The following GCKR variants were observed in gnomAD, a reference collection of about 807,000 sequenced individuals.
The protein encoded by GCKR is glucokinase regulatory protein.
Under a neutral mutation model 82.9 loss-of-function variants are expected in GCKR, and 73 were observed. The ratio of observed to expected loss-of-function variants is 0.88; its 90% CI spans 0.73 to 1.07. The LOEUF (loss-of-function observed/expected upper bound fraction) is 1.07, where lower values mean the gene tolerates loss of function less well. Ranked by LOEUF, GCKR falls within the 50% of genes least tolerant of loss-of-function variation. The probability of loss-of-function intolerance (pLI) is 0.00; values close to 1 mark genes in which losing one functional copy is unlikely to be tolerated. For missense variants in GCKR, 784 were observed against 782.1 expected (o/e 1.00, Z -0.03); for synonymous variants, 294 against 291.8 (o/e 1.01, Z -0.08).
intron 16 of GCKR, among the ~76,000 whole-genome samples, chr2:27,514,314 A>G (rs8179225): frequency 0.4 from 60,017 of 151,842 alleles, 12,225 homozygotes; most frequent in South Asian, 0.45. Flanking sequence ...CTGTATATAT[A>G]TTCCCACTCT....
chr2:27,522,938 C>T (rs1670186148), intron 18 of GCKR, among the ~76,000 whole-genome samples: 1 of 150,282 alleles, frequency 6.7e-6, no homozygotes, highest in African/African-American at 2.5e-5. Flanking sequence ...CTCTGTCACC[C>T]AGGCTGCTGG....
intron 16 of GCKR, among the ~76,000 whole-genome samples, chr2:27,516,606 T>C (rs1224597967): frequency 1.3e-5 from 2 of 152,206 alleles, no homozygotes; most frequent in East Asian, 3.8e-4. Context: ...ATTCTTCTTT[T>C]TAAGGATTTT....
chr2:27,516,283 G>GTTTTTTT (rs35189790), intron 16 of GCKR, among the ~76,000 whole-genome samples: 105 of 58,546 alleles, frequency 1.8e-3, no homozygotes, highest in African/African-American at 2.1e-3. Flanking sequence ...CTTCATTCTT[G>GTTTTTTT]TTTTTTTTTT....
At chr2:27,520,570 C>T (rs976019049) in intron 17 of GCKR, among the ~76,000 whole-genome samples, 17 of 152,322 alleles carry the variant, frequency 1.1e-4, no homozygotes, top group African/African-American at 3.1e-4. Flanking sequence ...AAAACATTGG[C>T]CACCAGCCAC....
intron 9 of GCKR, 145 bp downstream of exon 9, chr2:27,503,764 A>G: frequency 3.0e-6 from 2 of 667,852 alleles, no homozygotes; most frequent in Non-Finnish European, 2.7e-6. Context: ...GTTATAAACC[A>G]AATCCTATTT....
At chr2:27,503,657 A>G in intron 9 of GCKR, 38 bp downstream of exon 9, 1 of 1,011,196 alleles carries the variant, frequency 9.9e-7, no homozygotes. Context: ...CCACCCCTCC[A>G]ACACCTGGGA....
chr2:27,520,379 T>C (rs1428721844), intron 17 of GCKR, among the ~76,000 whole-genome samples: 2 of 152,158 alleles, frequency 1.3e-5, no homozygotes, highest in Non-Finnish European at 2.9e-5. Context: ...TGTTAGGTCA[T>C]TCACCAAGTC....
rs1669759075 is a variant in GCKR, at chr2:27,506,817, T to C, written c.998T>C (p.Val333Ala). The C allele has an allele frequency of 6.2e-7, 1 of 1,613,494 alleles. No individual in the cohort carries two copies. Among genetic ancestry groups the C allele is most frequent in the South Asian group, 1.1e-5 (1 of 91,066 alleles). Residue 333 changes from valine (V) to alanine (A), a missense_variant, in exon 12 of 19, where the codon GTT (valine) becomes GCT (alanine). Physicochemically the swap from Val to Ala is moderately conservative, Grantham distance 64. Coordinates refer to ENST00000264717, the MANE Select transcript of GCKR (RefSeq NM_001486.4). ...GAGAAGAAAGGCCACGTGTACCTGGTTGGCTGGCAGACCCTGGGCATCATT... is the reference window on the plus strand; with the variant it reads ...GAGAAGAAAGGCCACGTGTACCTGGCTGGCTGGCAGACCCTGGGCATCATT... ...SLEKKGHVYL[V>A]GWQTLGIIAI... is the part of the protein sequence containing the mutation.
In GCKR at chr2:27,522,580, C is replaced by A. The variant is rs1272803482; in HGVS notation, c.1693C>A (p.His565Asn). The change falls in exon 18 of 19, where the codon CAT becomes AAT. Residue 565 changes from histidine to asparagine, a missense_variant. Transcript: ENST00000264717. ...CATCTCCTGCCATGTCCAGGTTGCA[C>A]ATGAGAAGGAACAGGTATCCTGCCC... Reference protein sequence around the residue: ...APISCHVQVAHEKEQVIPIAL... With the variant: ...APISCHVQVANEKEQVIPIAL... 3 of 1,613,806 alleles carry A rather than the reference C, an allele frequency of 1.9e-6. No individual in the cohort carries two copies. Among genetic ancestry groups the A allele is most frequent in the Middle Eastern group, 1.7e-4 (1 of 6,060 alleles).
chr2:27,509,643 A>C, intron 16 of GCKR: 8 of 244,282 alleles, frequency 3.3e-5, no homozygotes, highest in South Asian at 2.7e-4. Flanking sequence ...CGCCTAGCCA[A>C]AACACTGTAT....
At chr2:27,515,070 C>G (rs1669971705) in intron 16 of GCKR, among the ~76,000 whole-genome samples, 1 of 150,522 alleles carries the variant, frequency 6.6e-6, no homozygotes, top group Non-Finnish European at 1.5e-5. Context: ...CTCTGCCTCC[C>G]AGGTTCAAGC....
intron 17 of GCKR, among the ~76,000 whole-genome samples, chr2:27,520,661 A>G (rs1013467490): frequency 1.3e-5 from 2 of 152,240 alleles, no homozygotes; most frequent in Non-Finnish European, 2.9e-5. Context: ...CCAAAGCTGT[A>G]TACTTTTTAA....
intron 1 of GCKR, 140 bp downstream of exon 1, chr2:27,497,104 C>A: frequency 8.1e-7 from 1 of 1,231,200 alleles, no homozygotes; most frequent in Non-Finnish European, 1.2e-6. Flanking sequence ...GCACCAAGTG[C>A]AGGCTGAGTT....
rs567763600 is a variant in GCKR, at chr2:27,507,447, A to T, written c.1143+136A>T. The T allele has an allele frequency of 1.5e-4, 113 of 762,590 alleles. 1 individual carries two copies. The South Asian group carries it at 1.5e-3, about 10-fold the overall frequency. The allele number at this position is 762,590 out of a possible 1,614,324, so 47.2% of individuals were successfully genotyped here. A position where few individuals can be genotyped will look rare whatever the true frequency, so the allele number is the denominator to read the frequency against. On this transcript the variant is annotated intron_variant, in intron 13 of 18. Coordinates refer to ENST00000264717, the MANE Select transcript of GCKR (RefSeq NM_001486.4). ...GAGAAGAGAATATGGGTCAGAAGTC[A>T]TGAGGCTTTGGCTTAGCATGGGCAG...
chr2:27,505,484 A>G (rs1204158309), intron 9 of GCKR, among the ~76,000 whole-genome samples: 8 of 151,952 alleles, frequency 5.3e-5, no homozygotes, highest in Non-Finnish European at 4.4e-5. Context: ...CTGACAAGAG[A>G]CCCAATCACT....
chr2:27,523,505 G>A lies in GCKR; in HGVS notation c.*66G>A. Reference sequence around the variant, plus strand: ...CACTTCAGCCCAGCCCGCCCAAGGGGACTTGTGCCAGCAGAACATGTGGGA... The same window carrying A: ...CACTTCAGCCCAGCCCGCCCAAGGGAACTTGTGCCAGCAGAACATGTGGGA... On this transcript the variant is annotated 3_prime_UTR_variant, in exon 19 of 19. Transcript: ENST00000264717. The A allele has an allele frequency of 1.3e-6, 2 of 1,509,218 alleles. No individual in the cohort carries two copies. Among genetic ancestry groups the A allele is most frequent in the Non-Finnish European group, 1.8e-6 (2 of 1,098,804 alleles). 93.5% of individuals were successfully genotyped at this position (1,509,218 alleles called of 1,614,324 possible). A position where few individuals can be genotyped will look rare whatever the true frequency, so the allele number is the denominator to read the frequency against.
intron 17 of GCKR, among the ~76,000 whole-genome samples, chr2:27,519,504 G>A (rs1020568348): frequency 6.6e-6 from 1 of 152,096 alleles, no homozygotes; most frequent in Admixed American, 6.6e-5. Flanking sequence ...GTTTTGCCAT[G>A]TTGGCCAGGC....
chr2:27,522,348 C>A, intron 17 of GCKR, 112 bp from the exon 18 acceptor site: 2 of 1,054,736 alleles, frequency 1.9e-6, no homozygotes, highest in Non-Finnish European at 2.9e-6. Context: ...GCCTCTATAG[C>A]CAGGCCTCGG....
intron 18 of GCKR, 128 bp downstream of exon 18, chr2:27,522,722 G>A (rs2148594903): frequency 5.0e-6 from 4 of 806,990 alleles, no homozygotes; most frequent in African/African-American, 1.7e-5. Context: ...CACATTCATG[G>A]GGTCTTTGGA....
Sources: gnomAD v4.1 joint callset for allele counts (sites outside exome capture counted in the v4.1 genomes callset) on GRCh38, gnomAD v4.1.1 for gene constraint, MANE v1.5 for transcripts, NCBI Gene and HGNC (gene_info 2026-07-23, HGNC 2026-07-21) for gene names.